ZNF704: variants seen among roughly 807,000 people sequenced by gnomAD.
The protein encoded by ZNF704 is zinc finger protein 704, also known as glucocorticoid induced gene 1.
Under a neutral mutation model 44.7 loss-of-function variants are expected in ZNF704, and 10 were observed. That is an observed-to-expected ratio of 0.22 (90% CI 0.14 to 0.38). The LOEUF is 0.38. Among genes scored for constraint, ZNF704 ranks in the 10% least tolerant of loss-of-function variants. The pLI is 1.00. For missense variants in ZNF704, 390 were observed against 545.5 expected (o/e 0.71, Z 2.84); for synonymous variants, 211 against 207.6 (o/e 1.02, Z -0.14).
intron 1 of ZNF704, among the ~76,000 whole-genome samples, chr8:80,859,833 G>A (rs1809028764): frequency 6.6e-6 from 1 of 152,066 alleles, no homozygotes; most frequent in African/African-American, 2.4e-5. Flanking sequence ...GATTAGAAGA[G>A]GTCAGGGTTG....
In ZNF704 at chr8:80,629,873, T is replaced by C. The variant is rs1208324906; in HGVS notation, c.*11493A>G. 1 of 152,240 alleles carries C rather than the reference T, an allele frequency of 6.6e-6. No homozygotes were observed. Among genetic ancestry groups the C allele is most frequent in the Non-Finnish European group, 1.5e-5 (1 of 68,038 alleles). The allele number at this position is 152,240 out of a possible 1,614,324, so 9.4% of individuals were successfully genotyped here. ...TGTTTGCTTGTTAATCCAGTGTTAC[T>C]AGAACATCCACCTTTAAAGAACTGG... is the stretch of plus-strand genomic sequence containing the variant. On this transcript the variant is annotated 3_prime_UTR_variant, in exon 9 of 9. Coordinates refer to ENST00000327835, the MANE Select transcript of ZNF704 (RefSeq NM_001033723.3).
At chr8:80,734,371 T>C (rs1232380134) in intron 2 of ZNF704, among the ~76,000 whole-genome samples, 2 of 152,244 alleles carry the variant, frequency 1.3e-5, no homozygotes, top group East Asian at 1.9e-4. Context: ...GCCTACCTAA[T>C]GGTTAGTTAC....
At chr8:80,776,014 A>T (rs955526388) in intron 2 of ZNF704, among the ~76,000 whole-genome samples, 1 of 152,108 alleles carries the variant, frequency 6.6e-6, no homozygotes, top group Non-Finnish European at 1.5e-5. Context: ...CTTCAAAATA[A>T]TTTTTCCATG....
chr8:80,669,244 A>C (rs1356978882), intron 5 of ZNF704, among the ~76,000 whole-genome samples: 1 of 152,224 alleles, frequency 6.6e-6, no homozygotes, highest in African/African-American at 2.4e-5. Flanking sequence ...CTTTAAAAAA[A>C]CTGAGCTGCT....
intron 2 of ZNF704, among the ~76,000 whole-genome samples, chr8:80,752,103 G>C (rs748880966): frequency 6.6e-6 from 1 of 152,178 alleles, no homozygotes; most frequent in Non-Finnish European, 1.5e-5. Flanking sequence ...ATGGTCTCTT[G>C]TTAAGCAGCA....
At chr8:80,690,945 G>A (rs997323870) in intron 3 of ZNF704, among the ~76,000 whole-genome samples, 1 of 151,944 alleles carries the variant, frequency 6.6e-6, no homozygotes, top group African/African-American at 2.4e-5. Flanking sequence ...GGAGGCGGCA[G>A]TTGCAGTGAG....
In ZNF704 at chr8:80,711,812, T is replaced by C. The variant is rs554276497; in HGVS notation, c.222-18705A>G. On this transcript the variant is annotated intron_variant, in intron 2 of 8. Transcript: ENST00000327835. ...TCTATTATAATTTTGAGGATGTAAA[T>C]ATGCATGTGGGAAAAGGGGAAGCAG... Among the ~76,000 whole-genome samples the C allele has an allele frequency of 1.4e-4, 21 of 152,278 alleles. No homozygotes were observed. The South Asian group carries it at 4.4e-3, about 32-fold the overall frequency.
intron 2 of ZNF704, among the ~76,000 whole-genome samples, chr8:80,733,517 G>C (rs1426517977): frequency 1.3e-5 from 2 of 152,210 alleles, no homozygotes; most frequent in Non-Finnish European, 2.9e-5. Context: ...TTGAGCTTCA[G>C]ACTCTGAGTG....
chr8:80,711,126 C>T (rs1585972984), intron 2 of ZNF704, among the ~76,000 whole-genome samples: 4 of 152,178 alleles, frequency 2.6e-5, no homozygotes, highest in South Asian at 2.1e-4. Flanking sequence ...GCTAACATAG[C>T]GTTTCCTGAC....
At chr8:80,643,631 C>T (rs1257540001) in intron 7 of ZNF704, among the ~76,000 whole-genome samples, 1 of 151,834 alleles carries the variant, frequency 6.6e-6, no homozygotes, top group East Asian at 1.9e-4. Flanking sequence ...AAAATGCATT[C>T]CCAAACAGAG....
chr8:80,759,358 A>G (rs1354286791), intron 2 of ZNF704, among the ~76,000 whole-genome samples: 3 of 151,902 alleles, frequency 2.0e-5, no homozygotes, highest in African/African-American at 4.8e-5. Context: ...TAATATTTAA[A>G]TCAACATTTT....
intron 4 of ZNF704, among the ~76,000 whole-genome samples, chr8:80,683,119 C>A (rs1795427785): frequency 6.6e-6 from 1 of 152,190 alleles, no homozygotes; most frequent in African/African-American, 2.4e-5. Context: ...ACTGCATCAC[C>A]TTGTGGTCAT....
chr8:80,819,550 GAA>G (rs61039141), intron 2 of ZNF704, among the ~76,000 whole-genome samples: 5 of 121,926 alleles, frequency 4.1e-5, no homozygotes, highest in African/African-American at 1.2e-4. Flanking sequence ...ACAGACTTAG[GAA>G]AAAAAAAAAA....
chr8:80,832,265 C>A (rs1052257810), intron 1 of ZNF704, among the ~76,000 whole-genome samples: 1 of 152,038 alleles, frequency 6.6e-6, no homozygotes, highest in African/African-American at 2.4e-5. Context: ...CTGAATTTCT[C>A]TAAATGGTAT....
intron 6 of ZNF704, among the ~76,000 whole-genome samples, chr8:80,661,290 A>G (rs1400703111): frequency 6.6e-6 from 1 of 152,228 alleles, no homozygotes; most frequent in Non-Finnish European, 1.5e-5. Context: ...AAGACAAAAA[A>G]TAACAGATGC....
chr8:80,825,238 A>C (rs1808350959), intron 1 of ZNF704, among the ~76,000 whole-genome samples: 1 of 152,126 alleles, frequency 6.6e-6, no homozygotes, highest in South Asian at 2.1e-4. Flanking sequence ...AGATCTACCA[A>C]GCAAATGGAA....
chr8:80,756,916 G>T (rs1807045477), intron 2 of ZNF704, among the ~76,000 whole-genome samples: 1 of 152,082 alleles, frequency 6.6e-6, no homozygotes, highest in Non-Finnish European at 1.5e-5. Flanking sequence ...TGTGCAAAGG[G>T]GCAAGTATTA....
At chr8:80,824,241 T>C (rs1038862875) in intron 1 of ZNF704, among the ~76,000 whole-genome samples, 1 of 152,142 alleles carries the variant, frequency 6.6e-6, no homozygotes, top group Admixed American at 6.5e-5. Flanking sequence ...AATGACCTGA[T>C]GGAGCTGAAA....
intron 2 of ZNF704, among the ~76,000 whole-genome samples, chr8:80,731,419 A>G (rs945103225): frequency 6.6e-6 from 1 of 152,188 alleles, no homozygotes; most frequent in African/African-American, 2.4e-5. Context: ...ATCAATTTTT[A>G]AAGACCTGGA....
Sources: gnomAD v4.1 joint callset for allele counts (sites outside exome capture counted in the v4.1 genomes callset) on GRCh38, gnomAD v4.1.1 for gene constraint, MANE v1.5 for transcripts, NCBI Gene and HGNC (gene_info 2026-07-23, HGNC 2026-07-21) for gene names.